The following LSAMP variants were observed in gnomAD, a reference collection of about 807,000 sequenced individuals.
LSAMP encodes limbic system-associated membrane protein.
In LSAMP, 7 loss-of-function variants were observed where a neutral mutation model predicts 38.6. The ratio of observed to expected loss-of-function variants is 0.18; its 90% CI spans 0.10 to 0.34. LSAMP has a LOEUF of 0.34. LSAMP is among the 10% of genes least tolerant of loss of function. The probability of loss-of-function intolerance (pLI) is 1.00; values close to 1 mark genes in which losing one functional copy is unlikely to be tolerated. For synonymous variants in LSAMP, 154 were observed against 166.8 expected (o/e 0.92, Z 0.59); for missense variants, 313 against 420.0 (o/e 0.75, Z 2.23).
chr3:116,424,881 C>A (rs368887960), intron 1 of LSAMP, among the ~76,000 whole-genome samples: 7 of 151,706 alleles, frequency 4.6e-5, no homozygotes. Flanking sequence ...TTCCATTTTT[C>A]TTTCCTTTCA....
rs373392802 is a variant in LSAMP at position 116,318,135 on chromosome 3, C to CAAAA, written c.155+126738_155+126741dup. ...TGAGTGATGGAGTGAGACTCCATCT[C>CAAAA]AAAAAAAAAAAAAAAAAAAATTTTA... is the stretch of plus-strand genomic sequence containing the variant. On this transcript the variant is annotated intron_variant, in intron 1 of 6. Transcript: ENST00000490035. Among the ~76,000 whole-genome samples, 340 of 101,610 alleles carry CAAAA rather than the reference C, an allele frequency of 3.3e-3. 1 individual carries two copies. The highest frequency in any genetic ancestry group is 0.013 in the African/African-American group (303 of 23,108). The allele number at this position is 101,610 out of a possible 152,430, so 66.7% of individuals were successfully genotyped here.
At chr3:115,955,233 C>T (rs189355605) in intron 3 of LSAMP, among the ~76,000 whole-genome samples, 1 of 152,148 alleles carries the variant, frequency 6.6e-6, no homozygotes, top group Non-Finnish European at 1.5e-5. Context: ...CGCGCCTGGC[C>T]ATGTTTTTGA....
At chr3:116,308,180 T>C (rs2047509324) in intron 1 of LSAMP, among the ~76,000 whole-genome samples, 1 of 151,998 alleles carries the variant, frequency 6.6e-6, no homozygotes, top group Non-Finnish European at 1.5e-5. Context: ...CTAAGATCCA[T>C]CTTACATGTC....
intron 1 of LSAMP, among the ~76,000 whole-genome samples, chr3:116,442,813 G>A (rs912570478): frequency 6.6e-6 from 1 of 152,144 alleles, no homozygotes; most frequent in Non-Finnish European, 1.5e-5. Flanking sequence ...ACACTGTAAT[G>A]TCTGCTAAAG....
At chr3:116,358,851 A>AC (rs2048262899) in intron 1 of LSAMP, among the ~76,000 whole-genome samples, 1 of 152,200 alleles carries the variant, frequency 6.6e-6, no homozygotes, top group African/African-American at 2.4e-5. Context: ...TGTTAATAGA[A>AC]CAAACATGTA....
intron 6 of LSAMP, among the ~76,000 whole-genome samples, chr3:115,821,994 A>T (rs1245975125): frequency 6.6e-6 from 1 of 152,194 alleles, no homozygotes; most frequent in South Asian, 2.1e-4. Flanking sequence ...TATTAATTCA[A>T]TTTTCAAGCC....
At chr3:116,278,367 A>C (rs1449595445) in intron 1 of LSAMP, among the ~76,000 whole-genome samples, 1 of 152,150 alleles carries the variant, frequency 6.6e-6, no homozygotes, top group African/African-American at 2.4e-5. Flanking sequence ...CATTTAAATG[A>C]AACTATTAGC....
At chr3:115,974,860 T>A (rs1346646567) in intron 3 of LSAMP, among the ~76,000 whole-genome samples, 2 of 151,942 alleles carry the variant, frequency 1.3e-5, no homozygotes, top group African/African-American at 4.8e-5. Context: ...TATAATGAGG[T>A]GTGTCGAACC....
At chr3:116,285,701 C>G (rs940778264) in intron 1 of LSAMP, among the ~76,000 whole-genome samples, 3 of 152,094 alleles carry the variant, frequency 2.0e-5, no homozygotes, top group African/African-American at 7.2e-5. Context: ...TGTGGCATTC[C>G]CTAGTGTCTA....
chr3:116,248,268 C>A (rs1295064066), intron 1 of LSAMP, among the ~76,000 whole-genome samples: 1 of 152,048 alleles, frequency 6.6e-6, no homozygotes, highest in African/African-American at 2.4e-5. Context: ...CTTTCAGGAC[C>A]TTGAAGGATG....
chr3:116,325,289 TACC>T (rs1353240414), intron 1 of LSAMP, among the ~76,000 whole-genome samples: 1 of 151,974 alleles, frequency 6.6e-6, no homozygotes, highest in Non-Finnish European at 1.5e-5. Context: ...TACAGGTGTA[TACC>T]ACCACACCTG....
intron 3 of LSAMP, among the ~76,000 whole-genome samples, chr3:115,982,837 A>T (rs1484868974): frequency 1.3e-5 from 2 of 150,254 alleles, no homozygotes; most frequent in African/African-American, 4.9e-5. Context: ...TTTTCTGTTT[A>T]TCTGCCTGTC....
chr3:116,165,119 C>G (rs1056372400), intron 1 of LSAMP, among the ~76,000 whole-genome samples: 1 of 152,206 alleles, frequency 6.6e-6, no homozygotes, highest in Non-Finnish European at 1.5e-5. Flanking sequence ...GCAGACCGTG[C>G]TTCTAGGTTG....
chr3:115,966,104 C>G (rs1938803382), intron 3 of LSAMP, among the ~76,000 whole-genome samples: 1 of 152,064 alleles, frequency 6.6e-6, no homozygotes, highest in South Asian at 2.1e-4. Flanking sequence ...AAATTCTGAC[C>G]AATAGGATGA....
chr3:116,131,941 C>T (rs987247524), intron 1 of LSAMP, among the ~76,000 whole-genome samples: 2 of 151,714 alleles, frequency 1.3e-5, no homozygotes, highest in Non-Finnish European at 2.9e-5. Context: ...GATTCTCGTG[C>T]CTCAGTCTCC....
chr3:115,878,002 A>T (rs1936227589), intron 3 of LSAMP, among the ~76,000 whole-genome samples: 1 of 152,140 alleles, frequency 6.6e-6, no homozygotes, highest in African/African-American at 2.4e-5. Context: ...AATAGGAAAG[A>T]AGGTGTGCCA....
intron 1 of LSAMP, among the ~76,000 whole-genome samples, chr3:116,113,289 C>G (rs1386250920): frequency 6.6e-6 from 1 of 150,844 alleles, no homozygotes; most frequent in African/African-American, 2.4e-5. Context: ...CATTCTCTCT[C>G]TTTATCCCAA....
rs751343595 is a variant in LSAMP at position 116,086,474 on chromosome 3, G to C, written c.238C>G (p.Leu80Val). ...TTCTCCAGCTCAACCCGTGGGTCCA[G>C]AGACCACTTGTCATGTCCAGCAAAA... ...IIFAGHDKWS[L>V]DPRVELEKRH... Residue 80 changes from leucine (L) to valine (V), a missense_variant, in exon 2 of 7, where the codon CTG (leucine) becomes GTG (valine). By Grantham distance (32) the Leu-to-Val change is conservative (BLOSUM62 1). Transcript: ENST00000490035. 4.3e-6 allele frequency: 7 copies of C among 1,613,984 alleles called. No individual in the cohort carries two copies. Among genetic ancestry groups the C allele is most frequent in the Non-Finnish European group, 5.9e-6 (7 of 1,180,020 alleles).
intron 1 of LSAMP, among the ~76,000 whole-genome samples, chr3:116,327,604 G>C (rs915946578): frequency 6.6e-6 from 1 of 152,018 alleles, no homozygotes; most frequent in Admixed American, 6.6e-5. Flanking sequence ...TCTGGGATAT[G>C]CTAAAGTATT....
Sources: gnomAD v4.1 joint callset for allele counts (sites outside exome capture counted in the v4.1 genomes callset) on GRCh38, gnomAD v4.1.1 for gene constraint, MANE v1.5 for transcripts, NCBI Gene and HGNC (gene_info 2026-07-23, HGNC 2026-07-21) for gene names.